The following NCOR1 variants were observed in gnomAD, a reference collection of about 807,000 sequenced individuals.
NCOR1 encodes nuclear receptor corepressor 1, also known as protein phosphatase 1, regulatory subunit 109.
In NCOR1, 63 loss-of-function variants were observed where a neutral mutation model predicts 288.1. The observed-to-expected ratio is 0.22, with a 90% CI of 0.18 to 0.27. The LOEUF is 0.27. NCOR1 is among the 10% of genes least tolerant of loss of function. NCOR1 has a pLI of 1.00. For missense variants in NCOR1, 2,397 were observed against 3,019.2 expected (o/e 0.79, Z 4.83); for synonymous variants, 1,007 against 1,065.9 (o/e 0.94, Z 1.08).
chr17:16,125,344 C>A (rs1311750713), intron 15 of NCOR1, among the ~76,000 whole-genome samples: 2 of 152,130 alleles, frequency 1.3e-5, no homozygotes, highest in East Asian at 3.9e-4. Context: ...GCCTGGGCAA[C>A]AGACTGAGGC....
chr17:16,104,400 C>T (rs1016400757), intron 19 of NCOR1, among the ~76,000 whole-genome samples: 4 of 152,320 alleles, frequency 2.6e-5, no homozygotes, highest in East Asian at 1.9e-4. Flanking sequence ...TGAGGTACCA[C>T]GGACACAGCA....
In NCOR1 at chr17:16,108,801, G is replaced by A. The variant is rs2153054494; in HGVS notation, c.2167C>T (p.Pro723Ser). Residue 723 changes from proline to serine, a missense_variant, in exon 19 of 46, where the codon CCA (proline) becomes TCA (serine). Physicochemically the swap from Pro to Ser is moderately conservative, Grantham distance 74. This residue lies in a region of NCOR1 where 1,872 missense variants were observed against 2,187.8 expected (regional missense o/e 0.86). Coordinates refer to ENST00000268712, the MANE Select transcript of NCOR1 (RefSeq NM_006311.4). ...DIEASNEEEN[P>S]EDSEVEAVKP... ...TTTGAGATACCTTCGCTGTCTTCTG[G>A]ATTTTCTTCTTCATTGGAGGCTTCA... The A allele has an allele frequency of 1.3e-6, 2 of 1,599,102 alleles. No homozygotes were observed. The highest frequency in any genetic ancestry group is 1.7e-6 in the Non-Finnish European group (2 of 1,173,506).
At chr17:16,143,806 G>C in intron 10 of NCOR1, 110 bp from the exon 11 acceptor site, 1 of 735,748 alleles carries the variant, frequency 1.4e-6, no homozygotes, top group South Asian at 1.9e-5. Context: ...ACCAAGTTAA[G>C]AGAAGAAACA....
At chr17:16,077,643 GAGAAA>G (rs1229964205) in intron 26 of NCOR1, among the ~76,000 whole-genome samples, 2 of 151,274 alleles carry the variant, frequency 1.3e-5, no homozygotes, top group African/African-American at 2.4e-5. Context: ...GAAAAGAAAA[GAGAAA>G]AGAAAAGAGA....
rs1232529230 is a variant in NCOR1, at chr17:16,065,534, T to A, written c.4902A>T (p.Gly1634=). 1.9e-6 allele frequency: 3 copies of A among 1,613,938 alleles called. No individual in the cohort carries two copies. The highest frequency in any genetic ancestry group is 1.1e-5 in the South Asian group (1 of 91,070). ...CCAGTGGCTGCTCTCTTGGGGAGAG[T>A]CCTCTGGCCACATCTGGACGCAAGT... ...QVNLRPDVAR[G]LSPREQPLGL... is the part of the protein sequence containing the mutation. The change falls in exon 33 of 46, where the codon GGA becomes GGT. Residue 1634 remains glycine, a synonymous_variant. Coordinates refer to ENST00000268712, the MANE Select transcript of NCOR1 (RefSeq NM_006311.4).
intron 4 of NCOR1, among the ~76,000 whole-genome samples, chr17:16,170,711 T>C (rs927860421): frequency 6.6e-6 from 1 of 151,926 alleles, no homozygotes; most frequent in African/African-American, 2.4e-5. Flanking sequence ...GGTGCGTCCC[T>C]GTAATCCCAG....
chr17:16,058,533 G>C lies in NCOR1; in HGVS notation c.5948C>G (p.Ala1983Gly), dbSNP rs763880485. The C allele has an allele frequency of 6.2e-7, 1 of 1,613,906 alleles. No individual in the cohort carries two copies. Among genetic ancestry groups the C allele is most frequent in the Non-Finnish European group, 8.5e-7 (1 of 1,179,936 alleles). Residue 1983 changes from alanine to glycine, a missense_variant, in exon 38 of 46, where the codon GCG becomes GGG. Around this residue, in one of 11 missense-constraint regions of NCOR1, gnomAD observed 1,872 missense variants for 2,187.8 expected, o/e 0.86. Transcript: ENST00000268712. ...GGTCTGCAGTTTCTCCTGGGGTGGC[G>C]CAGGTGAGCTGGCAGGACTTATCAC... ...IEVISPASSPAPPQEKLQTYQ... is the reference protein window; with the variant it reads ...IEVISPASSPGPPQEKLQTYQ...
At chr17:16,215,194 G>A (rs1394285766) in intron 1 of NCOR1, among the ~76,000 whole-genome samples, 168 bp downstream of exon 1, 1 of 152,104 alleles carries the variant, frequency 6.6e-6, no homozygotes, top group Non-Finnish European at 1.5e-5. Context: ...CTGGGCTGCC[G>A]AGTGGAAGAG....
intron 27 of NCOR1, among the ~76,000 whole-genome samples, chr17:16,074,674 T>G (rs1031660563): frequency 6.6e-6 from 1 of 150,606 alleles, no homozygotes; most frequent in Non-Finnish European, 1.5e-5. Flanking sequence ...CAGAGTCAGG[T>G]GCAAATAAGA....
chr17:16,104,010 C>A (rs1224648683), intron 19 of NCOR1, among the ~76,000 whole-genome samples: 1 of 152,116 alleles, frequency 6.6e-6, no homozygotes, highest in Non-Finnish European at 1.5e-5. Context: ...CCCCACCCCC[C>A]CAAAAAAGCC....
At chr17:16,136,806 CAAAAAAAAAA>C (rs60523446) in intron 14 of NCOR1, among the ~76,000 whole-genome samples, 7 of 111,812 alleles carry the variant, frequency 6.3e-5, no homozygotes, top group South Asian at 6.2e-4. Flanking sequence ...GACTCTGTTT[CAAAAAAAAAA>C]AAAAAAAAAA....
At position 16,176,145 on chromosome 17, in the gene NCOR1, G is replaced by A. The variant is rs184091179; in HGVS notation, c.243-4150C>T. Among the ~76,000 whole-genome samples, 1,361 of 152,196 alleles carry A rather than the reference G, an allele frequency of 8.9e-3. 24 individuals are homozygous for A. The highest frequency in any genetic ancestry group is 0.031 in the African/African-American group (1,296 of 41,534). On this transcript the variant is annotated intron_variant, in intron 3 of 45. Transcript: ENST00000268712. ...GAGGTAGGAGAATCACTTGAACCCA[G>A]GAAGCGGAGGTTGCAGTGAGCCGAG...
intron 42 of NCOR1, among the ~76,000 whole-genome samples, chr17:16,041,975 A>C (rs761501834): frequency 3.3e-5 from 5 of 151,118 alleles, no homozygotes; most frequent in Non-Finnish European, 7.4e-5. Context: ...TGACCTCGAT[A>C]TGCCCGCCTC....
At chr17:16,075,817 G>T in intron 26 of NCOR1, 115 bp from the exon 27 acceptor site, 2 of 1,106,140 alleles carry the variant, frequency 1.8e-6, no homozygotes, top group Non-Finnish European at 2.6e-6. Flanking sequence ...CTTCAAAGAA[G>T]AAAGCACACA....
chr17:16,051,810 G>A (rs1270122660), intron 40 of NCOR1, among the ~76,000 whole-genome samples: 1 of 152,094 alleles, frequency 6.6e-6, no homozygotes. Flanking sequence ...TACTCGAGAG[G>A]CTGAGGCAGG....
Position 16,117,889 on chromosome 17 carries a change from T to C in NCOR1, c.2054A>G (p.Lys685Arg), listed in dbSNP as rs2072050164. The change falls in exon 18 of 46, where the codon AAA becomes AGA. Residue 685 changes from lysine to arginine, a missense_variant and splice_region_variant. Physicochemically the swap from Lys to Arg is conservative, Grantham distance 26. This residue lies in a region of NCOR1 where 1,872 missense variants were observed against 2,187.8 expected (regional missense o/e 0.86). Transcript: ENST00000268712. ...LDNLLQQHKQ[K>R]TSRKPREERD... ...GAGTCACCACCCCAATATACTCACT[T>C]TCTGTTTATGCTGCTGTAAGAGGTT... 6.2e-7 allele frequency: 1 copy of C among 1,613,216 alleles called. No homozygotes were observed.
chr17:16,172,558 G>A (rs945344055), intron 3 of NCOR1, among the ~76,000 whole-genome samples: 1 of 152,030 alleles, frequency 6.6e-6, no homozygotes, highest in Non-Finnish European at 1.5e-5. Context: ...AAACAAGCAA[G>A]AAATAAAAAT....
chr17:16,094,262 T>A (rs904376997), intron 21 of NCOR1, among the ~76,000 whole-genome samples: 2 of 152,090 alleles, frequency 1.3e-5, no homozygotes, highest in East Asian at 3.9e-4. Context: ...GGCTATAATA[T>A]ATAAATACTC....
intron 2 of NCOR1, among the ~76,000 whole-genome samples, chr17:16,190,108 T>C (rs1253669583): frequency 6.6e-6 from 1 of 152,160 alleles, no homozygotes; most frequent in African/African-American, 2.4e-5. Flanking sequence ...TTCAAACCTA[T>C]AGTCCCAGCT....
Sources: gnomAD v4.1 joint callset for allele counts (sites outside exome capture counted in the v4.1 genomes callset) on GRCh38, gnomAD v4.1.1 for gene constraint, gnomAD v4.1.1 regional missense constraint, MANE v1.5 for transcripts, NCBI Gene and HGNC (gene_info 2026-07-23, HGNC 2026-07-21) for gene names.